Variants in BCAS3 observed in about 807,000 individuals in gnomAD.
BCAS3 encodes BCAS4/BCAS3 fusion.
Under a neutral mutation model 116.1 loss-of-function variants are expected in BCAS3, and 53 were observed. The observed-to-expected ratio is 0.46, with a 90% CI of 0.37 to 0.57. The LOEUF (loss-of-function observed/expected upper bound fraction) is 0.57. BCAS3 is among the 20% of genes least tolerant of loss of function. BCAS3 has a pLI of 0.00. For missense variants in BCAS3, 917 were observed against 1,165.4 expected, an observed-to-expected ratio of 0.79 and a Z score of 3.10; for synonymous variants, 391 against 408.2, an observed-to-expected ratio of 0.96 and a Z score of 0.51.
chr17:61,103,787 G>A (rs557494580), intron 22 of BCAS3, among the ~76,000 whole-genome samples: 1 of 152,188 alleles, frequency 6.6e-6, no homozygotes, highest in Admixed American at 6.5e-5. Context: ...ATCTCTATAA[G>A]GAAAAGGCTC....
At position 61,265,799 on chromosome 17, in the gene BCAS3, TA is replaced by T. The variant is rs542433106; in HGVS notation, c.2426-102518del. Among the ~76,000 whole-genome samples the T allele has an allele frequency of 2.0e-5, 3 of 149,920 alleles. No individual in the cohort carries two copies. The highest frequency in any genetic ancestry group is 1.9e-4 in the East Asian group (1 of 5,168). ...ATGACCATGGACCTTACCTTTGTTC[TA>T]AAAAAAAAATCTTTGACTCCACCAT... On this transcript the variant is annotated intron_variant, in intron 22 of 23. Transcript: ENST00000407086. The surrounding 1 kb of genome is among the most constrained non-coding windows in gnomAD (Gnocchi z 4.3).
At chr17:60,863,983 G>T (rs531215425) in intron 7 of BCAS3, among the ~76,000 whole-genome samples, 19 of 152,288 alleles carry the variant, frequency 1.2e-4, no homozygotes, top group African/African-American at 4.1e-4. Context: ...CTGAAAATGA[G>T]TATCAGGCAG....
intron 5 of BCAS3, among the ~76,000 whole-genome samples, chr17:60,717,338 C>T (rs2038739943): frequency 1.3e-5 from 2 of 151,798 alleles, no homozygotes; most frequent in African/African-American, 4.8e-5. Context: ...GCCTCAGCCT[C>T]CCTAGTAGCT....
At position 60,799,520 on chromosome 17, in the gene BCAS3, G is replaced by GTTTTTTTTTTTTTTTTTTTTTTTTTTT. The variant is rs200098763; in HGVS notation, c.404-8481_404-8480insTTTTTTTTTTTTTTTTTTTTTTTTTTT. ...AATATGTAAGTTTTTTGAGATTAGT[G>GTTTTTTTTTTTTTTTTTTTTTTTTTTT]TTTGTTTTTTTTTTTTTTTTTTTTT... On this transcript the variant is annotated intron_variant, in intron 6 of 23. Coordinates refer to ENST00000407086, the MANE Select transcript of BCAS3 (RefSeq NM_017679.5). Among the ~76,000 whole-genome samples the GTTTTTTTTTTTTTTTTTTTTTTTTTTT allele has an allele frequency of 4.3e-5, 5 of 117,644 alleles. 2 individuals are homozygous for GTTTTTTTTTTTTTTTTTTTTTTTTTTT. The highest frequency in any genetic ancestry group is 1.8e-4 in the African/African-American group (5 of 27,140). The allele number at this position is 117,644 out of a possible 152,430, so 77.2% of individuals were successfully genotyped here.
chr17:60,957,900 C>CT, intron 14 of BCAS3, among the ~76,000 whole-genome samples: 1 of 152,312 alleles, frequency 6.6e-6, no homozygotes. Flanking sequence ...ATTAGGACCT[C>CT]TACTTTTGGC....
chr17:61,091,315 T>C (rs2073547453), intron 22 of BCAS3, among the ~76,000 whole-genome samples: 1 of 152,220 alleles, frequency 6.6e-6, no homozygotes, highest in Non-Finnish European at 1.5e-5. Context: ...GACCCAACTT[T>C]TCACTTTTGT....
intron 22 of BCAS3, among the ~76,000 whole-genome samples, chr17:61,175,037 G>A (rs1267616265): frequency 6.6e-6 from 1 of 152,206 alleles, no homozygotes; most frequent in Non-Finnish European, 1.5e-5. Context: ...TGGCAGGTGA[G>A]ACTTTGGAGA....
At chr17:61,168,725 A>C (rs997505257) in intron 22 of BCAS3, among the ~76,000 whole-genome samples, 1 of 152,222 alleles carries the variant, frequency 6.6e-6, no homozygotes, top group Non-Finnish European at 1.5e-5. Context: ...TCAGCGATCA[A>C]GGTCAGTCTC....
intron 22 of BCAS3, among the ~76,000 whole-genome samples, chr17:61,172,996 A>AAATAAATAAATT (rs1217433245): frequency 2.6e-5 from 4 of 151,710 alleles, no homozygotes; most frequent in East Asian, 2.0e-4. Context: ...TCAAATAAAT[A>AAATAAATAAATT]AATAAATAAA....
rs1262247991 is a variant in BCAS3, at chr17:61,132,759, A to C, written c.2425+48195A>C. Among the ~76,000 whole-genome samples the C allele has an allele frequency of 1.3e-5, 2 of 152,156 alleles. No homozygotes were observed. The highest frequency in any genetic ancestry group is 4.8e-5 in the African/African-American group (2 of 41,436). ...AGAGAAGGAAAGACAAGAGAAGTGGAAGATAGAGTCCACTCCCCTATCCCC... is the reference window on the plus strand; with the variant it reads ...AGAGAAGGAAAGACAAGAGAAGTGGCAGATAGAGTCCACTCCCCTATCCCC... On this transcript the variant is annotated intron_variant, in intron 22 of 23. Coordinates refer to ENST00000407086, the MANE Select transcript of BCAS3 (RefSeq NM_017679.5). This position sits in a 1 kb window ranked among gnomAD's most constrained non-coding sequence, Gnocchi z 5.1.
chr17:61,096,792 G>A (rs1441034579), intron 22 of BCAS3, among the ~76,000 whole-genome samples: 4 of 152,186 alleles, frequency 2.6e-5, no homozygotes, highest in Non-Finnish European at 5.9e-5. Context: ...CTAGGAGGAA[G>A]GGTTTATTAT....
intron 10 of BCAS3, among the ~76,000 whole-genome samples, chr17:60,898,673 G>A (rs970370792): frequency 1.3e-5 from 2 of 152,288 alleles, no homozygotes; most frequent in African/African-American, 4.8e-5. Context: ...TGGGCTGATT[G>A]TTGGTCTTCC....
intron 14 of BCAS3, among the ~76,000 whole-genome samples, chr17:60,963,439 C>T (rs2145315684): frequency 6.6e-6 from 1 of 151,854 alleles, no homozygotes; most frequent in South Asian, 2.1e-4. Context: ...AGATCTTTCA[C>T]TTCTTTAGTT....
At chr17:61,018,290 GTTTTTTTTTTTTT>G (rs10570881) in intron 16 of BCAS3, among the ~76,000 whole-genome samples, 22 of 83,058 alleles carry the variant, frequency 2.6e-4, no homozygotes, top group Admixed American at 2.3e-3. Context: ...AAATTCCCCA[GTTTTTTTTTTTTT>G]TTTTTTTTTT....
chr17:61,048,334 G>A (rs2068535510), intron 19 of BCAS3, among the ~76,000 whole-genome samples: 1 of 151,930 alleles, frequency 6.6e-6, no homozygotes, highest in African/African-American at 2.4e-5. Context: ...TCTGACATTA[G>A]GGAATGAAGG....
chr17:61,356,484 A>C lies in BCAS3; in HGVS notation c.2426-11843A>C, dbSNP rs1297389580. Among the ~76,000 whole-genome samples the C allele has an allele frequency of 6.6e-6, 1 of 152,204 alleles. No individual in the cohort carries two copies. The highest frequency in any genetic ancestry group is 1.5e-5 in the Non-Finnish European group (1 of 68,046). On this transcript the variant is annotated intron_variant, in intron 22 of 23. Coordinates refer to ENST00000407086, the MANE Select transcript of BCAS3 (RefSeq NM_017679.5). The surrounding 1 kb of genome is among the most constrained non-coding windows in gnomAD (Gnocchi z 5.4). ...TGAAGCACCTCCATGTTTGTTCTGA[A>C]TGTGGAGCCAGTCGAGATTCTCCTT...
At chr17:61,079,562 C>T (rs1254254056) in intron 21 of BCAS3, among the ~76,000 whole-genome samples, 1 of 151,852 alleles carries the variant, frequency 6.6e-6, no homozygotes, top group African/African-American at 2.4e-5. Context: ...TGCTCTCACC[C>T]CTATTCTTTG....
Position 61,235,676 on chromosome 17 carries a change from T to G in BCAS3, c.2426-132651T>G, listed in dbSNP as rs189796716. ...TTCACCTTTAAACTTTGTTTGAACT[T>G]GGAAAGAAGACTTTTGAATTGTTTA... On this transcript the variant is annotated intron_variant, in intron 22 of 23. Coordinates refer to ENST00000407086, the MANE Select transcript of BCAS3 (RefSeq NM_017679.5). This position sits in a 1 kb window ranked among gnomAD's most constrained non-coding sequence, Gnocchi z 5.0. Among the ~76,000 whole-genome samples, 1 of 140,010 alleles carries G rather than the reference T, an allele frequency of 7.1e-6. No homozygotes were observed. The highest frequency in any genetic ancestry group is 2.7e-5 in the African/African-American group (1 of 37,152). 91.9% of individuals were successfully genotyped at this position (140,010 alleles called of 152,430 possible). A position where few individuals can be genotyped will look rare whatever the true frequency, so the allele number is the denominator to read the frequency against.
chr17:60,756,855 G>C (rs2043029878), intron 6 of BCAS3, among the ~76,000 whole-genome samples: 1 of 152,082 alleles, frequency 6.6e-6, no homozygotes, highest in Non-Finnish European at 1.5e-5. Flanking sequence ...TTTCCACAGT[G>C]GTTATATCAG....
Sources: gnomAD v4.1 joint callset for allele counts (sites outside exome capture counted in the v4.1 genomes callset) on GRCh38, gnomAD v4.1.1 for gene constraint, Gnocchi (gnomAD v3.1) non-coding constraint, MANE v1.5 for transcripts, NCBI Gene and HGNC (gene_info 2026-07-23, HGNC 2026-07-21) for gene names.